MARCHF3: variants seen among roughly 807,000 people sequenced by gnomAD.
The protein encoded by MARCHF3 is membrane associated ring-CH-type finger 3.
A neutral mutation model predicts 24.2 loss-of-function variants in MARCHF3; 13 were observed. That is an observed-to-expected ratio of 0.54 (90% CI 0.35 to 0.85). The LOEUF is 0.85. MARCHF3 is among the 40% of genes least tolerant of loss of function. The pLI is 0.01. For synonymous variants in MARCHF3, 144 were observed against 137.3 expected (o/e 1.05, Z -0.34); for missense variants, 276 against 325.0 (o/e 0.85, Z 1.16).
chr5:126,918,324 A>C (rs951515445), intron 1 of MARCHF3, 97 bp from the exon 2 acceptor site: 3 of 757,652 alleles, frequency 4.0e-6, no homozygotes, highest in Non-Finnish European at 6.2e-6. Context: ...ATTATTTAAT[A>C]CAAATAACAG....
At chr5:126,989,230 G>A (rs1204931129) in intron 1 of MARCHF3, among the ~76,000 whole-genome samples, 1 of 151,942 alleles carries the variant, frequency 6.6e-6, no homozygotes, top group Non-Finnish European at 1.5e-5. Flanking sequence ...AGTCGGCTAT[G>A]ATCGCACCAC....
chr5:126,958,915 A>G (rs1171904090), intron 1 of MARCHF3, among the ~76,000 whole-genome samples: 2 of 152,124 alleles, frequency 1.3e-5, no homozygotes, highest in Non-Finnish European at 2.9e-5. Context: ...GTGAAGTATT[A>G]TATTATTGCC....
chr5:126,954,847 C>A (rs781580497), intron 1 of MARCHF3, among the ~76,000 whole-genome samples: 10 of 152,050 alleles, frequency 6.6e-5, no homozygotes, highest in Admixed American at 3.3e-4. Flanking sequence ...AATGCCTACC[C>A]TCCTTCTTCT....
chr5:126,878,463 C>A, intron 3 of MARCHF3, 69 bp from the exon 4 acceptor site: 1 of 1,471,376 alleles, frequency 6.8e-7, no homozygotes. Flanking sequence ...TGGAGACACG[C>A]TGTTCTGAAG....
At chr5:127,026,812 C>T (rs958568218) in intron 1 of MARCHF3, among the ~76,000 whole-genome samples, 1 of 152,198 alleles carries the variant, frequency 6.6e-6, no homozygotes, top group African/African-American at 2.4e-5. Context: ...TATCAACATG[C>T]CTGCCAAGTG....
intron 3 of MARCHF3, among the ~76,000 whole-genome samples, chr5:126,881,441 AT>A (rs1561775704): frequency 6.6e-6 from 1 of 152,232 alleles, no homozygotes; most frequent in Non-Finnish European, 1.5e-5. Context: ...AGATATATCC[AT>A]ATATCGACAC....
At chr5:126,914,421 T>C (rs1399228399) in intron 3 of MARCHF3, among the ~76,000 whole-genome samples, 1 of 152,148 alleles carries the variant, frequency 6.6e-6, no homozygotes, top group East Asian at 1.9e-4. Context: ...TTAATCCTTA[T>C]AGTAATTCCA....
rs535222921 is a variant in MARCHF3, at chr5:126,906,465, T to C, written c.393+8465A>G. ...CTGGTCCTGGACTCTTTTTCGTTGG[T>C]AAGCTATTGATTATTGCCACAATTT... On this transcript the variant is annotated intron_variant, in intron 3 of 4. Transcript: ENST00000308660. Among the ~76,000 whole-genome samples the C allele has an allele frequency of 3.6e-3, 544 of 152,356 alleles. 1 individual carries two copies. Among genetic ancestry groups the C allele is most frequent in the Non-Finnish European group, 6.6e-3 (447 of 68,036 alleles).
chr5:126,901,794 G>C (rs557285976), intron 3 of MARCHF3, among the ~76,000 whole-genome samples: 2 of 152,184 alleles, frequency 1.3e-5, no homozygotes, highest in African/African-American at 4.8e-5. Flanking sequence ...ACCCAACACA[G>C]GGCAATTCCT....
chr5:126,998,132 C>CTT (rs61060815), intron 1 of MARCHF3, among the ~76,000 whole-genome samples: 7,833 of 152,112 alleles, frequency 0.051, 372 homozygotes, highest in South Asian at 0.13. Context: ...TCTTGGAGAA[C>CTT]TTTTATCTTT....
rs201880139 is a variant in MARCHF3, at chr5:126,918,095, G to A, written c.77C>T (p.Thr26Met). The change falls in exon 2 of 5, where the codon ACG (threonine) becomes ATG (methionine). Residue 26 changes from threonine to methionine, a missense_variant. Transcript: ENST00000308660. ...CTSSAAPVVK[T>M]VEDCGSLVNG... ...CACTAGGCTGCCACAATCCTCCACC[G>A]TCTTCACCACGGGTGCAGCTGAGCT... 2.3e-4 allele frequency: 371 copies of A among 1,614,126 alleles called. No individual in the cohort carries two copies. The highest frequency in any genetic ancestry group is 2.9e-4 in the Non-Finnish European group (342 of 1,180,036).
chr5:126,998,754 C>T (rs549831469), intron 1 of MARCHF3, among the ~76,000 whole-genome samples: 3 of 152,132 alleles, frequency 2.0e-5, no homozygotes, highest in African/African-American at 4.8e-5. Flanking sequence ...AAATCTCACT[C>T]GTTCCCCTGT....
intron 1 of MARCHF3, among the ~76,000 whole-genome samples, chr5:126,966,453 C>G (rs989636919): frequency 1.4e-5 from 2 of 147,380 alleles, no homozygotes; most frequent in Non-Finnish European, 2.9e-5. Flanking sequence ...TTTTCTGTAT[C>G]CAATGCTTGT....
intron 1 of MARCHF3, among the ~76,000 whole-genome samples, chr5:126,944,428 T>C (rs1354870673): frequency 6.6e-6 from 1 of 151,954 alleles, no homozygotes; most frequent in Non-Finnish European, 1.5e-5. Context: ...CAAAAAACCA[T>C]CTCTACCAAA....
intron 1 of MARCHF3, among the ~76,000 whole-genome samples, chr5:127,007,341 A>G (rs1368672590): frequency 6.6e-6 from 1 of 151,490 alleles, no homozygotes; most frequent in Non-Finnish European, 1.5e-5. Flanking sequence ...TAACTTGCAT[A>G]CAAGTAAAAA....
chr5:126,919,420 C>A (rs1285151959), intron 1 of MARCHF3, among the ~76,000 whole-genome samples: 1 of 152,170 alleles, frequency 6.6e-6, no homozygotes, highest in African/African-American at 2.4e-5. Context: ...GAGCTCACAT[C>A]AAGAACCCAT....
At position 126,918,234 on chromosome 5, in the gene MARCHF3, G is replaced by A. The variant is rs1748976915; in HGVS notation, c.-56-7C>T. 6.6e-7 allele frequency: 1 copy of A among 1,512,302 alleles called. No individual in the cohort carries two copies. The highest frequency in any genetic ancestry group is 2.2e-5 in the Admixed American group (1 of 45,826). 93.7% of individuals were successfully genotyped at this position (1,512,302 alleles called of 1,614,324 possible). A position where few individuals can be genotyped will look rare whatever the true frequency, so the allele number is the denominator to read the frequency against. ...ATTCATACAGGATTTCCATCTAAGA[G>A]AGATCAGAAAACAGTTTACTTGGGC... On this transcript the variant is annotated splice_region_variant and splice_polypyrimidine_tract_variant and intron_variant, in intron 1 of 4. Transcript: ENST00000308660.
intron 4 of MARCHF3, among the ~76,000 whole-genome samples, chr5:126,875,304 G>A (rs1472668984): frequency 6.6e-6 from 1 of 152,118 alleles, no homozygotes; most frequent in South Asian, 2.1e-4. Context: ...ACTCCATGAG[G>A]GTGTGTCAAG....
At chr5:126,891,189 C>A (rs1304102561) in intron 3 of MARCHF3, among the ~76,000 whole-genome samples, 1 of 151,222 alleles carries the variant, frequency 6.6e-6, no homozygotes, top group Non-Finnish European at 1.5e-5. Context: ...TGGATATTAG[C>A]CCTTTGTCAG....
Sources: allele counts gnomAD v4.1 joint callset (sites outside exome capture counted in the v4.1 genomes callset), GRCh38; gene constraint gnomAD v4.1.1; transcripts MANE v1.5; gene names NCBI Gene and HGNC (gene_info 2026-07-23, HGNC 2026-07-21).